USP34: variants seen among roughly 807,000 people sequenced by gnomAD.
USP34 encodes ubiquitin carboxyl-terminal hydrolase 34.
In USP34, 70 loss-of-function variants were observed where a neutral mutation model predicts 460.3. The ratio of observed to expected loss-of-function variants is 0.15; its 90% confidence interval spans 0.13 to 0.19. The LOEUF (loss-of-function observed/expected upper bound fraction) is 0.19. Ranked by LOEUF, USP34 falls within the 10% of genes least tolerant of loss-of-function variation. USP34 has a pLI of 1.00. For synonymous variants in USP34, 1,647 were observed against 1,405.3 expected (o/e 1.17, Z -3.85); for missense variants, 3,985 against 4,236.2 (o/e 0.94, Z 1.65).
intron 23 of USP34, among the ~76,000 whole-genome samples, chr2:61,315,666 C>A (rs1189715879): frequency 6.6e-6 from 1 of 152,032 alleles, no homozygotes; most frequent in Non-Finnish European, 1.5e-5. Flanking sequence ...TGAGCCACTG[C>A]GTCCAGCCTC....
chr2:61,298,174 C>G (rs897531840), intron 29 of USP34, among the ~76,000 whole-genome samples: 4 of 151,620 alleles, frequency 2.6e-5, no homozygotes, highest in African/African-American at 9.7e-5. Context: ...AGGGCCAAAC[C>G]TATCTTATTC....
chr2:61,422,588 A>C (rs922959520), intron 1 of USP34, among the ~76,000 whole-genome samples: 3 of 152,258 alleles, frequency 2.0e-5, no homozygotes, highest in African/African-American at 7.2e-5. Flanking sequence ...TCACTTTCAC[A>C]ATTTCTATTC....
intron 75 of USP34, among the ~76,000 whole-genome samples, chr2:61,202,073 T>C (rs1686991884): frequency 6.6e-6 from 1 of 152,202 alleles, no homozygotes; most frequent in South Asian, 2.1e-4. Context: ...AGGAACCAGC[T>C]TTCAAATCTA....
At chr2:61,387,784 A>G (rs899287675) in intron 5 of USP34, among the ~76,000 whole-genome samples, 3 of 149,094 alleles carry the variant, frequency 2.0e-5, no homozygotes, top group East Asian at 1.9e-4. Flanking sequence ...TTTTACGTAT[A>G]CACACATGTA....
At chr2:61,256,192 G>A (rs1688719860) in intron 48 of USP34, among the ~76,000 whole-genome samples, 192 bp downstream of exon 48, 1 of 152,104 alleles carries the variant, frequency 6.6e-6, no homozygotes, top group African/African-American at 2.4e-5. Flanking sequence ...CTTTCATACA[G>A]CTCAGTATAT....
Position 61,365,293 on chromosome 2 carries a change from G to A in USP34, c.1251+5028C>T, listed in dbSNP as rs547049514. 5.6e-4 allele frequency among the ~76,000 whole-genome samples: 58 copies of A among 104,210 alleles called. 1 individual carries two copies. Among genetic ancestry groups the A allele is most frequent in the Admixed American group, 3.9e-3 (46 of 11,704 alleles). The allele number at this position is 104,210 out of a possible 152,430, so 68.4% of individuals were successfully genotyped here. Reference sequence around the variant, plus strand: ...CACACACACACACACACACACACACGTGTGTTTATTTATAAATGTGTGTGT... The same window carrying A: ...CACACACACACACACACACACACACATGTGTTTATTTATAAATGTGTGTGT... On this transcript the variant is annotated intron_variant, in intron 10 of 79. Transcript: ENST00000398571.
At chr2:61,368,883 T>A (rs886856107) in intron 10 of USP34, among the ~76,000 whole-genome samples, 2 of 151,934 alleles carry the variant, frequency 1.3e-5, no homozygotes, top group Non-Finnish European at 2.9e-5. Context: ...AAAACCACCT[T>A]AAGCAAAGCA....
chr2:61,297,983 A>G (rs1299387026), intron 29 of USP34, among the ~76,000 whole-genome samples: 2 of 152,230 alleles, frequency 1.3e-5, no homozygotes, highest in East Asian at 3.8e-4. Context: ...CTTCAATAAA[A>G]CAACTCATCA....
At chr2:61,327,941 A>G (rs150639561) in intron 20 of USP34, among the ~76,000 whole-genome samples, 42 of 152,368 alleles carry the variant, frequency 2.8e-4, no homozygotes, top group Non-Finnish European at 4.3e-4. Flanking sequence ...ATCTCTTTGT[A>G]GCCTCCACAG....
intron 10 of USP34, among the ~76,000 whole-genome samples, chr2:61,366,393 G>A (rs1299405776): frequency 6.6e-6 from 1 of 152,122 alleles, no homozygotes; most frequent in African/African-American, 2.4e-5. Context: ...AGATGGAGAC[G>A]GGACTTAAAT....
chr2:61,354,211 C>A (rs1203850548), intron 10 of USP34, among the ~76,000 whole-genome samples: 1 of 152,142 alleles, frequency 6.6e-6, no homozygotes, highest in East Asian at 1.9e-4. Context: ...ATACACAATG[C>A]AATCAGAATG....
rs779837480 is a variant in USP34 at position 61,405,957 on chromosome 2, T to C, written c.303A>G (p.Ala101=). Residue 101 remains alanine, a synonymous_variant, in exon 3 of 80, where the codon GCA becomes GCG. Transcript: ENST00000398571. The part of the protein sequence containing the change: ...DSTWQDESNQ[A]EEPLNIDREC... ...CTCTATCTATATTCAGTGGTTCTTC[T>C]GCTTGATTACTCTCATCTTGCCACG... The C allele has an allele frequency of 6.2e-7, 1 of 1,613,812 alleles. No homozygotes were observed. Among genetic ancestry groups the C allele is most frequent in the Non-Finnish European group, 8.5e-7 (1 of 1,179,966 alleles).
In USP34 at chr2:61,339,229, A is replaced by G. The variant is rs3765050; in HGVS notation, c.2744+122T>C. ...ATTTCATATGAAAACTATAATTACT[A>G]AAAAACAGATTAATACAGGTATATG... On this transcript the variant is annotated intron_variant, in intron 18 of 79. Transcript: ENST00000398571. 21 of 969,116 alleles carry G rather than the reference A, an allele frequency of 2.2e-5. No homozygotes were observed. The East Asian group carries it at 6.2e-4, about 28-fold the overall frequency. 60.0% of individuals were successfully genotyped at this position (969,116 alleles called of 1,614,324 possible).
chr2:61,456,971 ACT>A (rs927835008), intron 1 of USP34, among the ~76,000 whole-genome samples: 1 of 151,544 alleles, frequency 6.6e-6, no homozygotes, highest in Non-Finnish European at 1.5e-5. Context: ...ACAGAGCAAG[ACT>A]CTGTCTGAAA....
chr2:61,419,106 G>A (rs1213604213), intron 2 of USP34, among the ~76,000 whole-genome samples: 3 of 152,086 alleles, frequency 2.0e-5, no homozygotes, highest in Non-Finnish European at 4.4e-5. Context: ...AGAGTTTACA[G>A]AACTTAACTC....
At chr2:61,208,733 G>T in intron 70 of USP34, 166 bp downstream of exon 70, 1 of 381,362 alleles carries the variant, frequency 2.6e-6, no homozygotes, top group Non-Finnish European at 4.8e-6. Context: ...TAAAAATTAT[G>T]ACCTAATTAT....
chr2:61,458,291 G>C (rs1162185371), intron 1 of USP34, among the ~76,000 whole-genome samples: 1 of 151,840 alleles, frequency 6.6e-6, no homozygotes, highest in Non-Finnish European at 1.5e-5. Context: ...CCAGGCACGG[G>C]GGTTCACACC....
chr2:61,277,184 G>C (rs1317182124), intron 41 of USP34, among the ~76,000 whole-genome samples: 4 of 151,122 alleles, frequency 2.6e-5, no homozygotes, highest in Admixed American at 2.0e-4. Flanking sequence ...GTTTAGGACA[G>C]TAATTCAAAA....
chr2:61,404,953 G>A (rs1285461574), intron 3 of USP34, among the ~76,000 whole-genome samples: 3 of 151,784 alleles, frequency 2.0e-5, no homozygotes, highest in East Asian at 1.9e-4. Flanking sequence ...CTTAGCCAGG[G>A]GTGGTGGCTC....
Sources: allele counts gnomAD v4.1 joint callset (sites outside exome capture counted in the v4.1 genomes callset), GRCh38; gene constraint gnomAD v4.1.1; transcripts MANE v1.5; gene names NCBI Gene and HGNC (gene_info 2026-07-23, HGNC 2026-07-21).